SPTBN1: variants seen among roughly 807,000 people sequenced by gnomAD.
SPTBN1 encodes spectrin beta, non-erythrocytic 1, also known as spectrin beta chain, non-erythrocytic 1.
SPTBN1 carries 32 observed loss-of-function variants against 266.4 expected under a neutral mutation model. That is an observed-to-expected ratio of 0.12 (90% CI 0.09 to 0.16). The LOEUF is 0.16. Among genes scored for constraint, SPTBN1 ranks in the 10% least tolerant of loss-of-function variants. The pLI is 1.00. For synonymous variants in SPTBN1, 1,336 were observed against 1,162.2 expected, an observed-to-expected ratio of 1.15 and a Z score of -3.04; for missense variants, 2,296 against 3,067.1, an observed-to-expected ratio of 0.75 and a Z score of 5.94.
intron 32 of SPTBN1, chr2:54,662,870 A>T (rs1681143505): frequency 6.6e-6 from 1 of 152,228 alleles, no homozygotes; most frequent in Non-Finnish European, 1.5e-5. Flanking sequence ...GGTGATCACC[A>T]TGCAGCACTT....
chr2:54,472,091 G>A (rs1359052895), intron 1 of SPTBN1, among the ~76,000 whole-genome samples: 7 of 137,262 alleles, frequency 5.1e-5, no homozygotes, highest in Admixed American at 3.1e-4. Context: ...GCAGTGGCGC[G>A]ATCTTGGCTC....
At chr2:54,593,084 T>G (rs1675796722) in intron 2 of SPTBN1, among the ~76,000 whole-genome samples, 1 of 152,214 alleles carries the variant, frequency 6.6e-6, no homozygotes, top group South Asian at 2.1e-4. Context: ...TATAATTTAC[T>G]CCTTCTGGGA....
At chr2:54,603,045 G>A (rs1446298707) in intron 3 of SPTBN1, among the ~76,000 whole-genome samples, 3 of 152,196 alleles carry the variant, frequency 2.0e-5, no homozygotes, top group Non-Finnish European at 4.4e-5. Context: ...ACAAACTTGA[G>A]AAGTGAACTA....
At chr2:54,527,430 C>T (rs138630568) in intron 2 of SPTBN1, 2 of 152,134 alleles carry the variant, frequency 1.3e-5, no homozygotes, top group African/African-American at 2.4e-5. Flanking sequence ...TTTTTGTTGC[C>T]TTTATAGTGG....
chr2:54,642,382 A>G (rs1199874931), intron 18 of SPTBN1, among the ~76,000 whole-genome samples: 4 of 152,222 alleles, frequency 2.6e-5, no homozygotes, highest in Non-Finnish European at 2.9e-5. Context: ...ACTAGAGGCT[A>G]TAGAAAAAGA....
chr2:54,489,865 T>G (rs1336963014), intron 1 of SPTBN1, among the ~76,000 whole-genome samples: 3 of 152,238 alleles, frequency 2.0e-5, no homozygotes, highest in Non-Finnish European at 4.4e-5. Flanking sequence ...GTCCTTTACT[T>G]TGATATAATC....
At chr2:54,559,315 A>G (rs1008062509) in intron 2 of SPTBN1, among the ~76,000 whole-genome samples, 3 of 152,126 alleles carry the variant, frequency 2.0e-5, no homozygotes, top group African/African-American at 7.2e-5. Context: ...GAACAATAGC[A>G]AAGGGGAGGA....
chr2:54,486,700 C>T (rs1668413860), intron 1 of SPTBN1, among the ~76,000 whole-genome samples: 1 of 148,886 alleles, frequency 6.7e-6, no homozygotes, highest in Admixed American at 6.7e-5. Flanking sequence ...CTGCGAGAAA[C>T]ACCCAAGAAT....
In SPTBN1 at chr2:54,668,764, T is replaced by A. The variant is rs1231555054; in HGVS notation, c.*195T>A. The A allele has an allele frequency of 1.8e-6, 1 of 556,792 alleles. No homozygotes were observed. Among genetic ancestry groups the A allele is most frequent in the African/African-American group, 2.0e-5 (1 of 50,986 alleles). 34.5% of individuals were successfully genotyped at this position (556,792 alleles called of 1,614,324 possible). The stretch of plus-strand genomic sequence containing the variant: ...ACACTTTATCTCCAAGTTACAAAAG[T>A]TTGAGGTGCAGAGGGAAGGCCAGAT... On this transcript the variant is annotated 3_prime_UTR_variant, in exon 36 of 36. Coordinates refer to ENST00000356805, the MANE Select transcript of SPTBN1 (RefSeq NM_003128.3).
chr2:54,474,207 C>G (rs564734078), intron 1 of SPTBN1, among the ~76,000 whole-genome samples: 1 of 152,190 alleles, frequency 6.6e-6, no homozygotes, highest in African/African-American at 2.4e-5. Context: ...GTTTTGCTGT[C>G]TGAATAGGCT....
chr2:54,628,967 C>T lies in SPTBN1; in HGVS notation c.1833C>T (p.Asp611=). 1.2e-6 allele frequency: 2 copies of T among 1,611,418 alleles called. No individual in the cohort carries two copies. The change falls in exon 14 of 36, where the codon GAC becomes GAT. Residue 611 remains aspartate (D), a synonymous_variant. Coordinates refer to ENST00000356805, the MANE Select transcript of SPTBN1 (RefSeq NM_003128.3). The surrounding 1 kb of genome is among the most constrained non-coding windows in gnomAD (Gnocchi z 4.3). ...YKPCDPQVIR[D]RVAHMEFCYQ... is the part of the protein sequence containing the mutation. The stretch of plus-strand genomic sequence containing the variant: ...CCTGTGACCCCCAGGTGATCCGAGA[C>T]CGCGTGGCCCACATGGAGTTCTGTT...
intron 1 of SPTBN1, among the ~76,000 whole-genome samples, chr2:54,459,444 T>C (rs780482797): frequency 6.6e-6 from 1 of 152,242 alleles, no homozygotes; most frequent in Non-Finnish European, 1.5e-5. Context: ...GATGTTTGAA[T>C]GTATGACTTT....
At chr2:54,609,533 C>T (rs1677075104) in intron 3 of SPTBN1, among the ~76,000 whole-genome samples, 1 of 152,200 alleles carries the variant, frequency 6.6e-6, no homozygotes, top group South Asian at 2.1e-4. Flanking sequence ...GATGTTCTCT[C>T]TGTTGGGGAT....
chr2:54,614,377 A>AGT (rs536372343), intron 4 of SPTBN1, among the ~76,000 whole-genome samples: 81 of 151,862 alleles, frequency 5.3e-4, no homozygotes, highest in Non-Finnish European at 9.9e-4. Flanking sequence ...ACAAGTTCCC[A>AGT]GTGTGTGTGT....
chr2:54,542,082 TTTCA>T (rs1671971908), intron 2 of SPTBN1, among the ~76,000 whole-genome samples: 1 of 152,264 alleles, frequency 6.6e-6, no homozygotes, highest in South Asian at 2.1e-4. Context: ...ATTGATTTTG[TTTCA>T]TTCATTTATT....
At position 54,492,344 on chromosome 2, in the gene SPTBN1, T is replaced by TTTTG. The variant is rs1668732793; in HGVS notation, c.-47-34025_-47-34024insGTTT. Among the ~76,000 whole-genome samples the TTTTG allele has an allele frequency of 1.3e-5, 2 of 148,706 alleles. 1 individual carries two copies. The highest frequency in any genetic ancestry group is 5.0e-5 in the African/African-American group (2 of 39,952). On this transcript the variant is annotated intron_variant, in intron 1 of 35. Coordinates refer to ENST00000356805, the MANE Select transcript of SPTBN1 (RefSeq NM_003128.3). ...GACATTTAGTTTGTCTGCAGTTGTT[T>TTTTG]TTTTGTTTTTTTTTTTTTTTGCTAC... is the stretch of plus-strand genomic sequence containing the variant.
chr2:54,543,307 A>C (rs1263860588), intron 2 of SPTBN1, among the ~76,000 whole-genome samples: 1 of 152,258 alleles, frequency 6.6e-6, no homozygotes, highest in Non-Finnish European at 1.5e-5. Context: ...CACAGTGGGC[A>C]TGCATGTGAA....
At chr2:54,566,913 C>T (rs979404548) in intron 2 of SPTBN1, among the ~76,000 whole-genome samples, 4 of 152,176 alleles carry the variant, frequency 2.6e-5, no homozygotes, top group African/African-American at 9.6e-5. Flanking sequence ...TTGGCACTAA[C>T]TTAGACTACT....
At chr2:54,549,834 C>G (rs536445622) in intron 2 of SPTBN1, among the ~76,000 whole-genome samples, 7 of 152,110 alleles carry the variant, frequency 4.6e-5, no homozygotes, top group African/African-American at 1.7e-4. Flanking sequence ...CATGGAAAGC[C>G]CAAGACAGGT....
Sources: gnomAD v4.1 joint callset for allele counts (sites outside exome capture counted in the v4.1 genomes callset) on GRCh38, gnomAD v4.1.1 for gene constraint, Gnocchi (gnomAD v3.1) non-coding constraint, MANE v1.5 for transcripts, NCBI Gene and HGNC (gene_info 2026-07-23, HGNC 2026-07-21) for gene names.